NAA11: variants seen among roughly 807,000 people sequenced by gnomAD.
NAA11 encodes the protein N-alpha-acetyltransferase 11, NatA catalytic subunit, also known as N-alpha-acetyltransferase 11.
A neutral mutation model predicts 16.1 loss-of-function variants in NAA11; 15 were observed. The observed-to-expected ratio is 0.93, with a 90% CI of 0.62 to 1.44. The LOEUF is 1.44. NAA11 is among the 40% of genes most tolerant of loss of function. NAA11 has a pLI of 0.00. For synonymous variants in NAA11, 122 were observed against 112.4 expected, an observed-to-expected ratio of 1.09 and a Z score of -0.54; for missense variants, 298 against 291.3, an observed-to-expected ratio of 1.02 and a Z score of -0.17.
downstream of NAA11, among the ~76,000 whole-genome samples, chr4:79,313,854 A>G (rs942287193): frequency 2.6e-5 from 4 of 152,212 alleles, no homozygotes; most frequent in African/African-American, 7.2e-5. Context: ...ATGAGGAGCT[A>G]ATGACATGGA....
the NAA11 span, among the ~76,000 whole-genome samples, chr4:79,183,924 A>C: frequency 6.6e-6 from 1 of 152,170 alleles, no homozygotes; most frequent in African/African-American, 2.4e-5. Context: ...AAGTTATGTC[A>C]CATGCTGAGT....
At chr4:79,212,509 CTTGT>C in the NAA11 span, among the ~76,000 whole-genome samples, 16 of 151,848 alleles carry the variant, frequency 1.1e-4, no homozygotes, top group African/African-American at 3.9e-4. Context: ...AAAGGTTTTG[CTTGT>C]TTGTTTGCTT....
At chr4:79,237,586 G>A (rs1721598449) in intron 2 of NAA11, among the ~76,000 whole-genome samples, 1 of 152,082 alleles carries the variant, frequency 6.6e-6, no homozygotes, top group Non-Finnish European at 1.5e-5. Flanking sequence ...CATTTTGACA[G>A]TGTTTGATAA....
At chr4:79,280,262 G>A (rs1722753634) in intron 2 of NAA11, among the ~76,000 whole-genome samples, 1 of 57,144 alleles carries the variant, frequency 1.7e-5, no homozygotes, top group Admixed American at 1.8e-4. Context: ...CTCTTTTTGA[G>A]GCACAGTTCT....
intron 2 of NAA11, among the ~76,000 whole-genome samples, chr4:79,286,571 T>G (rs1722941521): frequency 6.6e-6 from 1 of 152,110 alleles, no homozygotes; most frequent in Non-Finnish European, 1.5e-5. Flanking sequence ...TCTAGTCACA[T>G]GAGATTACAG....
the NAA11 span, among the ~76,000 whole-genome samples, chr4:79,171,618 G>A: frequency 6.6e-6 from 1 of 152,122 alleles, no homozygotes; most frequent in Admixed American, 6.6e-5. Context: ...ATCTCATATG[G>A]ATTTATAATG....
intron 2 of NAA11, among the ~76,000 whole-genome samples, chr4:79,290,223 A>G (rs548676769): frequency 2.6e-5 from 4 of 152,242 alleles, no homozygotes; most frequent in South Asian, 2.1e-4. Flanking sequence ...TCTGGTTGAC[A>G]CAGTTGTGGG....
At chr4:79,188,584 CA>C in the NAA11 span, among the ~76,000 whole-genome samples, 7 of 114,666 alleles carry the variant, frequency 6.1e-5, no homozygotes, top group Admixed American at 1.8e-4. Context: ...GACTCCGCCT[CA>C]AAAAAAAAGA....
chr4:79,191,073 C>T, the NAA11 span, among the ~76,000 whole-genome samples: 22 of 152,192 alleles, frequency 1.4e-4, 1 homozygote, highest in South Asian at 6.2e-4. Flanking sequence ...AATCTGTCAT[C>T]GATGGGCATT....
intron 2 of NAA11, among the ~76,000 whole-genome samples, chr4:79,239,474 G>A (rs934942272): frequency 6.6e-6 from 1 of 152,136 alleles, no homozygotes; most frequent in African/African-American, 2.4e-5. Flanking sequence ...GCTGAAGCAT[G>A]TGGATCACTC....
At chr4:79,241,309 T>G (rs769836758) in intron 2 of NAA11, among the ~76,000 whole-genome samples, 1 of 152,234 alleles carries the variant, frequency 6.6e-6, no homozygotes, top group Non-Finnish European at 1.5e-5. Flanking sequence ...ATAATACATA[T>G]AACATACAAA....
chr4:79,314,641 T>TAAAAAAAAAAAAAAAAAAAAAAAAAAAAA (rs375245497), downstream of NAA11, among the ~76,000 whole-genome samples: 4 of 98,066 alleles, frequency 4.1e-5, 1 homozygote, highest in African/African-American at 1.2e-4. Context: ...TCCTTAAAAT[T>TAAAAAAAAAAAAAAAAAAAAAAAAAAAAA]AAAAAAAAAA....
intron 2 of NAA11, among the ~76,000 whole-genome samples, chr4:79,248,275 C>T (rs1165471229): frequency 1.3e-5 from 2 of 152,118 alleles, no homozygotes; most frequent in African/African-American, 2.4e-5. Flanking sequence ...AGCCCGCCTG[C>T]ACCTTCCCCC....
chr4:79,213,898 A>C, the NAA11 span, among the ~76,000 whole-genome samples: 1 of 152,172 alleles, frequency 6.6e-6, no homozygotes, highest in Non-Finnish European at 1.5e-5. Flanking sequence ...TTATTTATGG[A>C]GTGCCCAATT....
intron 2 of NAA11, among the ~76,000 whole-genome samples, chr4:79,276,956 G>C (rs866631458): frequency 1.2e-4 from 19 of 152,256 alleles, no homozygotes; most frequent in South Asian, 1.2e-3. Context: ...AACTACACTA[G>C]AGATGCCGTT....
chr4:79,175,900 T>A, the NAA11 span, among the ~76,000 whole-genome samples: 1 of 152,326 alleles, frequency 6.6e-6, no homozygotes, highest in South Asian at 2.1e-4. Context: ...CTAAGGCTAG[T>A]GCTTAAGTAG....
chr4:79,172,260 T>A, the NAA11 span, among the ~76,000 whole-genome samples: 1 of 152,104 alleles, frequency 6.6e-6, no homozygotes, highest in Non-Finnish European at 1.5e-5. Context: ...TCCCTCCTAA[T>A]AATAAAAATT....
In NAA11 at chr4:79,325,940, T is replaced by C; in HGVS notation, c.-63A>G. ...ACCCAGAAGAGGCTGTCGCCGACCT[T>C]AAGGGGCACTGTTTGCCTCAGGAAT... On this transcript the variant is annotated 5_prime_UTR_variant, in exon 1 of 2. Transcript: ENST00000286794. 7.0e-7 allele frequency: 1 copy of C among 1,438,070 alleles called. No homozygotes were observed. The highest frequency in any genetic ancestry group is 9.5e-7 in the Non-Finnish European group (1 of 1,055,754). The allele number at this position is 1,438,070 out of a possible 1,614,324, so 89.1% of individuals were successfully genotyped here.
intron 1 of NAA11, among the ~76,000 whole-genome samples, chr4:79,318,017 A>G (rs979186296): frequency 1.5e-4 from 23 of 152,196 alleles, no homozygotes; most frequent in African/African-American, 5.1e-4. Context: ...ATAAGAACAC[A>G]TGAACCTTTC....
Sources: allele counts gnomAD v4.1 joint callset (sites outside exome capture counted in the v4.1 genomes callset), GRCh38; gene constraint gnomAD v4.1.1; transcripts MANE v1.5; gene names NCBI Gene and HGNC (gene_info 2026-07-23, HGNC 2026-07-21).